Variants in THSD7B observed in about 807,000 individuals in gnomAD.
THSD7B encodes the protein thrombospondin type 1 domain containing 7B.
In THSD7B, 138 loss-of-function variants were observed where a neutral mutation model predicts 213.6. That is an observed-to-expected ratio of 0.65 (90% confidence interval 0.56 to 0.74). THSD7B has a LOEUF of 0.74. Ranked by LOEUF, THSD7B falls within the 30% of genes least tolerant of loss-of-function variation. The pLI is 0.00. For missense variants in THSD7B, 1,931 were observed against 1,991.5 expected (o/e 0.97, Z 0.58); for synonymous variants, 742 against 687.0 (o/e 1.08, Z -1.25).
intron 1 of THSD7B, among the ~76,000 whole-genome samples, chr2:136,808,917 C>CT (rs2104928519): frequency 6.6e-6 from 1 of 152,170 alleles, no homozygotes; most frequent in African/African-American, 2.4e-5. Flanking sequence ...CTATAAAAAC[C>CT]TTGCACAAGT....
At chr2:137,384,720 T>C (rs1437825906) in intron 12 of THSD7B, among the ~76,000 whole-genome samples, 1 of 152,120 alleles carries the variant, frequency 6.6e-6, no homozygotes, top group Non-Finnish European at 1.5e-5. Flanking sequence ...AGGAGGGACT[T>C]AATGCCTTTT....
intron 12 of THSD7B, among the ~76,000 whole-genome samples, chr2:137,331,202 A>G (rs527473365): frequency 6.6e-6 from 1 of 150,450 alleles, no homozygotes; most frequent in African/African-American, 2.5e-5. Context: ...TGATTGGTGT[A>G]TTTACAATCC....
intron 7 of THSD7B, among the ~76,000 whole-genome samples, chr2:137,196,615 G>C (rs1291399221): frequency 2.6e-5 from 4 of 152,052 alleles, no homozygotes; most frequent in Admixed American, 6.6e-5. Context: ...AACAACCACA[G>C]ATTGTCCATG....
At chr2:137,634,026 G>T (rs776071822) in intron 20 of THSD7B, among the ~76,000 whole-genome samples, 9 of 152,158 alleles carry the variant, frequency 5.9e-5, no homozygotes, top group Non-Finnish European at 1.2e-4. Context: ...ACTAGTATTT[G>T]CTATTGTCTA....
At chr2:137,638,869 C>T (rs35842586) in intron 20 of THSD7B, among the ~76,000 whole-genome samples, 14,276 of 152,034 alleles carry the variant, frequency 0.094, 850 homozygotes, top group South Asian at 0.15. Context: ...ATTTAGGGTA[C>T]CTGGTGGAAG....
At chr2:137,440,853 G>A (rs1397059293) in intron 14 of THSD7B, among the ~76,000 whole-genome samples, 1 of 152,076 alleles carries the variant, frequency 6.6e-6, no homozygotes, top group African/African-American at 2.4e-5. Flanking sequence ...GAAAAAAGAA[G>A]AGAAATACTT....
chr2:137,673,172 A>G (rs1177239951), intron 27 of THSD7B, among the ~76,000 whole-genome samples: 1 of 152,240 alleles, frequency 6.6e-6, no homozygotes, highest in Non-Finnish European at 1.5e-5. Flanking sequence ...GAAGTGCCAG[A>G]GGCTTGCTTG....
intron 17 of THSD7B, among the ~76,000 whole-genome samples, chr2:137,600,541 C>G (rs1376393620): frequency 6.6e-6 from 1 of 152,112 alleles, no homozygotes; most frequent in African/African-American, 2.4e-5. Flanking sequence ...AGTTCAAGAC[C>G]AGCCTGGCCA....
intron 16 of THSD7B, among the ~76,000 whole-genome samples, chr2:137,568,047 A>G (rs776002346): frequency 4.6e-5 from 7 of 152,222 alleles, no homozygotes; most frequent in Non-Finnish European, 1.0e-4. Context: ...TCAAGAAGAC[A>G]TAGTAATCAA....
At chr2:137,035,427 C>G (rs1292271239) in intron 2 of THSD7B, among the ~76,000 whole-genome samples, 1 of 152,042 alleles carries the variant, frequency 6.6e-6, no homozygotes, top group Non-Finnish European at 1.5e-5. Flanking sequence ...AGGCATGTTT[C>G]TAGATGGCCA....
At chr2:137,339,511 A>C (rs547403135) in intron 12 of THSD7B, among the ~76,000 whole-genome samples, 2 of 152,106 alleles carry the variant, frequency 1.3e-5, no homozygotes, top group South Asian at 4.1e-4. Flanking sequence ...ATCTAAATTG[A>C]AAAATAATAA....
At chr2:137,132,988 T>G (rs913849711) in intron 5 of THSD7B, among the ~76,000 whole-genome samples, 2 of 152,344 alleles carry the variant, frequency 1.3e-5, no homozygotes, top group South Asian at 2.1e-4. Context: ...TCTGACATTT[T>G]TCTCATGGGT....
At chr2:137,444,148 G>C (rs1687479111) in intron 14 of THSD7B, among the ~76,000 whole-genome samples, 1 of 151,812 alleles carries the variant, frequency 6.6e-6, no homozygotes, top group Non-Finnish European at 1.5e-5. Context: ...CATGTCTCAG[G>C]CCTCACAGAG....
chr2:136,833,147 C>T (rs545099615), intron 1 of THSD7B, among the ~76,000 whole-genome samples: 10 of 152,038 alleles, frequency 6.6e-5, no homozygotes, highest in South Asian at 2.1e-4. Context: ...GGGCGGATCA[C>T]GAGGTCAGGA....
At chr2:137,495,884 C>G (rs912341149) in intron 15 of THSD7B, among the ~76,000 whole-genome samples, 14 of 152,124 alleles carry the variant, frequency 9.2e-5, no homozygotes, top group South Asian at 2.1e-4. Flanking sequence ...GTTCTACCCC[C>G]CTGGCAAGCC....
intron 2 of THSD7B, among the ~76,000 whole-genome samples, chr2:136,915,926 G>A (rs1684340866): frequency 6.6e-6 from 1 of 152,180 alleles, no homozygotes; most frequent in Non-Finnish European, 1.5e-5. Context: ...TTTATGTTAA[G>A]TGCCTATACT....
chr2:137,427,482 T>A (rs1011599406), intron 14 of THSD7B, among the ~76,000 whole-genome samples: 3 of 151,292 alleles, frequency 2.0e-5, no homozygotes, highest in Admixed American at 2.0e-4. Context: ...GTGTGTGTGC[T>A]TGTGTGTGTG....
intron 1 of THSD7B, among the ~76,000 whole-genome samples, chr2:136,769,443 A>C (rs900684783): frequency 1.3e-5 from 2 of 152,194 alleles, no homozygotes; most frequent in Non-Finnish European, 2.9e-5. Context: ...ATTACTCCGT[A>C]TCTTTTGGTA....
intron 1 of THSD7B, among the ~76,000 whole-genome samples, chr2:136,791,236 A>G (rs1215883164): frequency 6.6e-6 from 1 of 152,046 alleles, no homozygotes; most frequent in Admixed American, 6.6e-5. Context: ...ACACTTTTTA[A>G]TACCAGTAGT....
Sources: allele counts gnomAD v4.1 joint callset (sites outside exome capture counted in the v4.1 genomes callset), GRCh38; gene constraint gnomAD v4.1.1; transcripts MANE v1.5; gene names NCBI Gene and HGNC (gene_info 2026-07-23, HGNC 2026-07-21).